The following DNAAF9 variants were observed in gnomAD, a reference collection of about 807,000 sequenced individuals.
DNAAF9 encodes dynein axonemal assembly factor 9, also known as shulin.
A neutral mutation model predicts 167.0 loss-of-function variants in DNAAF9; 90 were observed. The ratio of observed to expected loss-of-function variants is 0.54; its 90% confidence interval spans 0.45 to 0.64. The LOEUF is 0.64. Ranked by LOEUF, DNAAF9 falls within the 30% of genes least tolerant of loss-of-function variation. DNAAF9 has a pLI of 0.00. For synonymous variants in DNAAF9, 491 were observed against 508.8 expected (o/e 0.96, Z 0.47); for missense variants, 1,315 against 1,442.2 (o/e 0.91, Z 1.43).
chr20:3,368,674 G>A (rs951552757), intron 6 of DNAAF9, among the ~76,000 whole-genome samples: 6 of 151,654 alleles, frequency 4.0e-5, no homozygotes, highest in South Asian at 2.1e-4. Context: ...CACCAAGCCC[G>A]GCTAATTTTT....
At chr20:3,332,411 G>T in intron 10 of DNAAF9, 50 bp from the exon 11 acceptor site, 2 of 918,810 alleles carry the variant, frequency 2.2e-6, no homozygotes, top group Non-Finnish European at 3.5e-6. Context: ...ACTTAGGCAT[G>T]TACTAGTAGA....
intron 21 of DNAAF9, among the ~76,000 whole-genome samples, chr20:3,302,290 G>T (rs996110282): frequency 2.0e-5 from 3 of 151,536 alleles, no homozygotes; most frequent in Non-Finnish European, 2.9e-5. Context: ...CATATTTATG[G>T]GGTATAATAT....
chr20:3,346,442 C>CA (rs2123130469), intron 8 of DNAAF9, among the ~76,000 whole-genome samples: 1 of 151,700 alleles, frequency 6.6e-6, no homozygotes, highest in Admixed American at 6.6e-5. Context: ...TAAATTAAGA[C>CA]AAATCCACAA....
intron 1 of DNAAF9, among the ~76,000 whole-genome samples, chr20:3,396,496 C>T (rs972988754): frequency 4.6e-5 from 7 of 151,930 alleles, no homozygotes; most frequent in South Asian, 2.1e-4. Context: ...GGGAGGGAGG[C>T]GTGAGAGAGG....
At position 3,404,856 on chromosome 20, in the gene DNAAF9, G is replaced by T. The variant is rs182438036; in HGVS notation, c.83+2619C>A. Among the ~76,000 whole-genome samples the T allele has an allele frequency of 1.6e-3, 238 of 152,274 alleles. 1 individual carries two copies. The highest frequency in any genetic ancestry group is 6.8e-3 in the Middle Eastern group (2 of 294). On this transcript the variant is annotated intron_variant, in intron 1 of 36. Coordinates refer to ENST00000252032, the MANE Select transcript of DNAAF9 (RefSeq NM_001009984.3). ...GGTTCCTTAGCATTGATCCAGATAGGTTAGTTTATACCTTGGTAATAAGTC... is the reference window on the plus strand; with the variant it reads ...GGTTCCTTAGCATTGATCCAGATAGTTTAGTTTATACCTTGGTAATAAGTC...
chr20:3,269,307 T>A (rs1477274312), intron 30 of DNAAF9, among the ~76,000 whole-genome samples: 1 of 151,614 alleles, frequency 6.6e-6, no homozygotes, highest in African/African-American at 2.4e-5. Context: ...ACTCCTGGGC[T>A]CAGGCAATCC....
At chr20:3,318,570 T>A (rs903313868) in intron 16 of DNAAF9, among the ~76,000 whole-genome samples, 170 bp from the exon 17 acceptor site, 1 of 152,140 alleles carries the variant, frequency 6.6e-6, no homozygotes, top group Non-Finnish European at 1.5e-5. Context: ...GGGAGGTGAC[T>A]TTAGGATCAC....
chr20:3,345,751 A>G (rs2070180202), intron 8 of DNAAF9, among the ~76,000 whole-genome samples: 1 of 152,228 alleles, frequency 6.6e-6, no homozygotes, highest in Non-Finnish European at 1.5e-5. Flanking sequence ...AAAAAAACCC[A>G]TTATAAACAA....
intron 26 of DNAAF9, among the ~76,000 whole-genome samples, chr20:3,289,920 C>T (rs1457017004): frequency 2.0e-5 from 3 of 152,156 alleles, no homozygotes; most frequent in East Asian, 1.9e-4. Context: ...CAGAGATTTT[C>T]GTGTCTGTAT....
At chr20:3,278,519 G>A (rs2281499) in intron 29 of DNAAF9, among the ~76,000 whole-genome samples, 29,813 of 151,990 alleles carry the variant, frequency 0.2, 3,102 homozygotes, top group African/African-American at 0.25. Flanking sequence ...AGGAGTTCAA[G>A]ACCAGCCTGG....
At chr20:3,347,526 C>T (rs896457824) in intron 8 of DNAAF9, among the ~76,000 whole-genome samples, 19 of 152,206 alleles carry the variant, frequency 1.2e-4, no homozygotes, top group African/African-American at 4.6e-4. Flanking sequence ...GGCTGAGAAG[C>T]GATACACTGG....
In DNAAF9 at chr20:3,249,686, T is replaced by C. The variant is rs2068170448; in HGVS notation, c.*2886A>G. 1 of 152,238 alleles carries C rather than the reference T, an allele frequency of 6.6e-6. No individual in the cohort carries two copies. 9.4% of individuals were successfully genotyped at this position (152,238 alleles called of 1,614,324 possible). ...CTTTTTTGAGGTACAACTATCCAACTAGATCAGCAACACGGCTGGAATACT... is the reference window on the plus strand; with the variant it reads ...CTTTTTTGAGGTACAACTATCCAACCAGATCAGCAACACGGCTGGAATACT... On this transcript the variant is annotated 3_prime_UTR_variant, in exon 37 of 37. Coordinates refer to ENST00000252032, the MANE Select transcript of DNAAF9 (RefSeq NM_001009984.3).
At chr20:3,297,001 A>G (rs2069092095) in intron 22 of DNAAF9, 52 bp from the exon 23 acceptor site, 1 of 1,007,916 alleles carries the variant, frequency 9.9e-7, no homozygotes, top group East Asian at 2.4e-5. Flanking sequence ...ACAACAGGAT[A>G]TGGAAGCCAC....
chr20:3,375,502 C>T (rs952759900), intron 4 of DNAAF9, among the ~76,000 whole-genome samples: 3 of 152,098 alleles, frequency 2.0e-5, no homozygotes, highest in Non-Finnish European at 4.4e-5. Context: ...CTGAAAAGGG[C>T]CCAAAGGGAA....
At chr20:3,361,460 C>T (rs2123180947) in intron 6 of DNAAF9, among the ~76,000 whole-genome samples, 1 of 152,298 alleles carries the variant, frequency 6.6e-6, no homozygotes. Context: ...GCCCCCCAGG[C>T]TAGACGGCTG....
intron 20 of DNAAF9, among the ~76,000 whole-genome samples, chr20:3,313,967 A>G (rs562312689): frequency 4.1e-4 from 63 of 152,320 alleles, no homozygotes; most frequent in African/African-American, 1.4e-3. Context: ...AAGTCTGCCC[A>G]GCTGAATTTC....
At chr20:3,348,144 T>G (rs2070233376) in intron 8 of DNAAF9, among the ~76,000 whole-genome samples, 2 of 152,120 alleles carry the variant, frequency 1.3e-5, no homozygotes, top group African/African-American at 2.4e-5. Context: ...GGTTTACTCA[T>G]GAGCCTGGTA....
At chr20:3,394,942 CTTTTTTCTT>C (rs869256572) in intron 1 of DNAAF9, among the ~76,000 whole-genome samples, 2 of 89,020 alleles carry the variant, frequency 2.2e-5, no homozygotes, top group Non-Finnish European at 2.3e-5. Flanking sequence ...TGAACATTTT[CTTTTTTCTT>C]TTTTTTTTTT....
intron 16 of DNAAF9, among the ~76,000 whole-genome samples, chr20:3,320,836 C>T (rs2069602490): frequency 6.6e-6 from 1 of 152,192 alleles, no homozygotes; most frequent in South Asian, 2.1e-4. Flanking sequence ...GTGCTGCTCA[C>T]CCAGTTCCCT....
Sources: allele counts gnomAD v4.1 joint callset (sites outside exome capture counted in the v4.1 genomes callset), GRCh38; gene constraint gnomAD v4.1.1; transcripts MANE v1.5; gene names NCBI Gene and HGNC (gene_info 2026-07-23, HGNC 2026-07-21).